The following LRBA variants were observed in gnomAD, a reference collection of about 807,000 sequenced individuals.
The protein encoded by LRBA is lipopolysaccharide-responsive and beige-like anchor protein.
In LRBA, 176 loss-of-function variants were observed where a neutral mutation model predicts 330.0. The ratio of observed to expected loss-of-function variants is 0.53; its 90% CI spans 0.47 to 0.60. The LOEUF is 0.60. LRBA is among the 20% of genes least tolerant of loss of function. LRBA has a pLI of 0.00. For synonymous variants in LRBA, 1,230 were observed against 1,193.0 expected, an observed-to-expected ratio of 1.03 and a Z score of -0.64; for missense variants, 3,259 against 3,444.8, an observed-to-expected ratio of 0.95 and a Z score of 1.35.
At chr4:150,850,083 AATGTT>A (rs1442031839) in intron 24 of LRBA, among the ~76,000 whole-genome samples, 1 of 151,970 alleles carries the variant, frequency 6.6e-6, no homozygotes. Context: ...AAATATTGAT[AATGTT>A]ATAACAATTT....
chr4:150,955,362 A>C (rs1227125081), intron 2 of LRBA, among the ~76,000 whole-genome samples: 1 of 149,524 alleles, frequency 6.7e-6, no homozygotes, highest in Non-Finnish European at 1.5e-5. Flanking sequence ...TATGGAATGT[A>C]TAAAGCAGTG....
intron 30 of LRBA, among the ~76,000 whole-genome samples, chr4:150,827,973 AC>A (rs1242205789): frequency 6.6e-6 from 1 of 152,070 alleles, no homozygotes; most frequent in Non-Finnish European, 1.5e-5. Context: ...AGTATATAAT[AC>A]ATATAACAAT....
chr4:150,399,463 C>A (rs1377797573), intron 47 of LRBA, among the ~76,000 whole-genome samples: 1 of 152,110 alleles, frequency 6.6e-6, no homozygotes, highest in Non-Finnish European at 1.5e-5. Context: ...GACCATGATA[C>A]CCCATATAGA....
intron 35 of LRBA, among the ~76,000 whole-genome samples, chr4:150,747,360 A>C (rs1219975022): frequency 6.6e-6 from 1 of 152,214 alleles, no homozygotes; most frequent in Non-Finnish European, 1.5e-5. Flanking sequence ...TGTATAACAC[A>C]ATTTCAATTA....
chr4:150,301,415 A>G (rs540391187), intron 53 of LRBA, among the ~76,000 whole-genome samples: 4 of 152,192 alleles, frequency 2.6e-5, no homozygotes, highest in African/African-American at 9.6e-5. Context: ...TTCATATCCT[A>G]TTTGCATAGG....
At chr4:150,779,291 A>C (rs1023869792) in intron 34 of LRBA, among the ~76,000 whole-genome samples, 1 of 152,112 alleles carries the variant, frequency 6.6e-6, no homozygotes, top group Non-Finnish European at 1.5e-5. Flanking sequence ...CCAGAAATAC[A>C]TATGTGTTTC....
At chr4:150,664,380 G>A (rs1028404182) in intron 37 of LRBA, among the ~76,000 whole-genome samples, 7 of 151,960 alleles carry the variant, frequency 4.6e-5, no homozygotes, top group Non-Finnish European at 1.0e-4. Flanking sequence ...ACATATTATC[G>A]AAAACAGACC....
intron 31 of LRBA, among the ~76,000 whole-genome samples, chr4:150,815,040 A>ATTTCCTC (rs1744354602): frequency 2.0e-5 from 3 of 151,976 alleles, no homozygotes; most frequent in Non-Finnish European, 4.4e-5. Context: ...AAGCAATCAA[A>ATTTCCTC]GGGTCCTATT....
intron 37 of LRBA, among the ~76,000 whole-genome samples, chr4:150,639,279 G>A (rs1441588233): frequency 1.5e-5 from 2 of 137,690 alleles, no homozygotes; most frequent in Non-Finnish European, 3.1e-5. Context: ...GTTAGTGGGT[G>A]CAGTGCACCA....
intron 53 of LRBA, among the ~76,000 whole-genome samples, chr4:150,295,577 G>A (rs979184891): frequency 9.9e-5 from 15 of 152,092 alleles, no homozygotes; most frequent in African/African-American, 3.6e-4. Context: ...AAAGTATGAT[G>A]AAGAAAATGA....
intron 2 of LRBA, among the ~76,000 whole-genome samples, chr4:150,970,319 G>C (rs538523287): frequency 6.6e-6 from 1 of 151,948 alleles, no homozygotes; most frequent in African/African-American, 2.4e-5. Context: ...GGGCAACTTA[G>C]GGAGACCCCA....
Position 150,910,364 on chromosome 4 carries a change from T to G in LRBA, c.1162-1507A>C, listed in dbSNP as rs142280417. On this transcript the variant is annotated intron_variant, in intron 9 of 56. Transcript: ENST00000651943. ...GTACAATATGAATTAAGTATAAAAC[T>G]TTTCTTTCTTATTTTTCGCATCTGG... is the stretch of plus-strand genomic sequence containing the variant. Among the ~76,000 whole-genome samples the G allele has an allele frequency of 6.3e-3, 956 of 152,298 alleles. 10 individuals carry two copies. Among genetic ancestry groups the G allele is most frequent in the African/African-American group, 0.022 (910 of 41,576 alleles).
intron 36 of LRBA, among the ~76,000 whole-genome samples, chr4:150,711,253 T>C (rs1310091379): frequency 6.7e-6 from 1 of 148,372 alleles, no homozygotes; most frequent in Non-Finnish European, 1.5e-5. Context: ...TTTTTTTTTT[T>C]GAGAAAGAGT....
chr4:150,740,130 A>T (rs1313974040), intron 35 of LRBA, among the ~76,000 whole-genome samples: 2 of 152,248 alleles, frequency 1.3e-5, no homozygotes, highest in African/African-American at 4.8e-5. Flanking sequence ...TCATAATGGA[A>T]ATTAGGAAAC....
intron 42 of LRBA, among the ~76,000 whole-genome samples, chr4:150,477,092 A>T (rs551685924): frequency 6.6e-6 from 1 of 152,308 alleles, no homozygotes; most frequent in Admixed American, 6.5e-5. Flanking sequence ...CTGCTTGCCA[A>T]GTAAAGCTTC....
chr4:150,311,358 G>A (rs963165321), intron 51 of LRBA: 8 of 152,088 alleles, frequency 5.3e-5, no homozygotes, highest in East Asian at 1.9e-4. Flanking sequence ...TTCTGCATCC[G>A]ATTATTAAGC....
At chr4:150,693,489 G>A (rs980269634) in intron 36 of LRBA, among the ~76,000 whole-genome samples, 2 of 147,560 alleles carry the variant, frequency 1.4e-5, no homozygotes, top group African/African-American at 5.0e-5. Flanking sequence ...GCGTGAACCC[G>A]GGAGGCGGAG....
chr4:150,316,438 G>T (rs965363445), intron 50 of LRBA, among the ~76,000 whole-genome samples: 1 of 152,112 alleles, frequency 6.6e-6, no homozygotes, highest in Non-Finnish European at 1.5e-5. Flanking sequence ...AGTATATCAG[G>T]AATCAGGAAC....
intron 47 of LRBA, among the ~76,000 whole-genome samples, chr4:150,360,161 A>C (rs543630416): frequency 1.3e-5 from 2 of 151,850 alleles, no homozygotes. Flanking sequence ...TTTATAAAAA[A>C]TTTTTTTTAA....
Sources: gnomAD v4.1 joint callset for allele counts (sites outside exome capture counted in the v4.1 genomes callset) on GRCh38, gnomAD v4.1.1 for gene constraint, MANE v1.5 for transcripts, NCBI Gene and HGNC (gene_info 2026-07-23, HGNC 2026-07-21) for gene names.